FGD5: variants seen among roughly 807,000 people sequenced by gnomAD.
The protein encoded by FGD5 is FYVE, RhoGEF and PH domain containing 5.
A neutral mutation model predicts 133.4 loss-of-function variants in FGD5; 28 were observed. The ratio of observed to expected loss-of-function variants is 0.21; its 90% CI spans 0.16 to 0.29. The LOEUF (loss-of-function observed/expected upper bound fraction) is 0.29. Ranked by LOEUF, FGD5 falls within the 10% of genes least tolerant of loss-of-function variation. The pLI, the probability that FGD5 is intolerant of heterozygous loss-of-function variation, is 1.00. For missense variants in FGD5, 1,858 were observed against 1,895.2 expected, an observed-to-expected ratio of 0.98 and a Z score of 0.36; for synonymous variants, 810 against 776.5, an observed-to-expected ratio of 1.04 and a Z score of -0.72.
chr3:14,919,049 A>C (rs2038620493), intron 13 of FGD5, among the ~76,000 whole-genome samples: 1 of 152,172 alleles, frequency 6.6e-6, no homozygotes, highest in Admixed American at 6.5e-5. Flanking sequence ...CACACTCATA[A>C]AATTTTATAT....
At chr3:14,871,106 TC>T (rs2037599084) in intron 2 of FGD5, among the ~76,000 whole-genome samples, 1 of 152,180 alleles carries the variant, frequency 6.6e-6, no homozygotes, top group Admixed American at 6.5e-5. Flanking sequence ...GAATGTCACC[TC>T]CTCAGAGAGG....
At chr3:14,863,486 G>T (rs1325987300) in intron 1 of FGD5, among the ~76,000 whole-genome samples, 1 of 152,164 alleles carries the variant, frequency 6.6e-6, no homozygotes, top group South Asian at 2.1e-4. Context: ...AATATGTGCT[G>T]ACTGCTATGT....
At chr3:14,811,699 G>A (rs1208605639) in intron 1 of FGD5, among the ~76,000 whole-genome samples, 1 of 152,136 alleles carries the variant, frequency 6.6e-6, no homozygotes, top group Admixed American at 6.5e-5. Context: ...GCCATTTAAC[G>A]GATTTAGAAA....
At chr3:14,923,927 A>C in intron 16 of FGD5, 81 bp from the exon 17 acceptor site, 2 of 1,549,256 alleles carry the variant, frequency 1.3e-6, no homozygotes, top group South Asian at 2.3e-5. Context: ...TCCTAGAGGG[A>C]TTTTACAGGA....
chr3:14,870,272 G>A (rs2037580868), intron 2 of FGD5, among the ~76,000 whole-genome samples: 1 of 152,230 alleles, frequency 6.6e-6, no homozygotes, highest in South Asian at 2.1e-4. Context: ...TGTGGCTGGA[G>A]CAAGGTGAGG....
At position 14,933,478 on chromosome 3, in the gene FGD5, A is replaced by G. The variant is rs2038933292; in HGVS notation, c.*311A>G. 2.9e-6 allele frequency: 1 copy of G among 347,460 alleles called. No individual in the cohort carries two copies. Among genetic ancestry groups the G allele is most frequent in the East Asian group, 5.2e-5 (1 of 19,212 alleles). 21.5% of individuals were successfully genotyped at this position (347,460 alleles called of 1,614,324 possible). ...TAGTAAGATGAAGATGTGGAAACCA[A>G]TGAAAAGTACATTTAGAAATGCAGG... is the stretch of plus-strand genomic sequence containing the variant. On this transcript the variant is annotated 3_prime_UTR_variant, in exon 20 of 20. Transcript: ENST00000285046.
intron 2 of FGD5, among the ~76,000 whole-genome samples, chr3:14,869,518 A>C (rs182953700): frequency 1.3e-5 from 2 of 152,348 alleles, no homozygotes; most frequent in African/African-American, 4.8e-5. Flanking sequence ...ATTGCCATGC[A>C]GCCATCAACA....
In FGD5 at chr3:14,820,675, G is replaced by C. The variant is rs1411108920; in HGVS notation, c.1604G>C (p.Arg535Thr). 2 of 1,593,704 alleles carry C rather than the reference G, an allele frequency of 1.3e-6. No individual in the cohort carries two copies. The highest frequency in any genetic ancestry group is 1.7e-6 in the Non-Finnish European group (2 of 1,171,748). The change falls in exon 1 of 20, where the codon AGG (arginine) becomes ACG (threonine). Residue 535 changes from arginine (R) to threonine (T), a missense_variant. Around this residue, in one of 3 missense-constraint regions of FGD5, gnomAD observed 1,824 missense variants for 1,848.9 expected, o/e 0.99. Coordinates refer to ENST00000285046, the MANE Select transcript of FGD5 (RefSeq NM_152536.4). ...GAGGGGAAGCCCTTGGAAGCCAGCAGGGCCTTGCCAGCAAAGCCCAGGGCC... is the reference window on the plus strand; with the variant it reads ...GAGGGGAAGCCCTTGGAAGCCAGCACGGCCTTGCCAGCAAAGCCCAGGGCC... ...SLEGKPLEAS[R>T]ALPAKPRAFT...
At chr3:14,927,904 A>G (rs1036902987) in intron 18 of FGD5, among the ~76,000 whole-genome samples, 1 of 149,678 alleles carries the variant, frequency 6.7e-6, no homozygotes, top group African/African-American at 2.5e-5. Context: ...AGCTGGGACC[A>G]CAAGTGTGTG....
intron 1 of FGD5, among the ~76,000 whole-genome samples, chr3:14,834,644 A>G (rs1316339921): frequency 7.9e-5 from 12 of 152,194 alleles, no homozygotes; most frequent in Non-Finnish European, 1.5e-4. Context: ...CATATTTGTA[A>G]GTCTTTTTTA....
intron 4 of FGD5, among the ~76,000 whole-genome samples, chr3:14,893,420 T>C (rs2038068123): frequency 6.6e-6 from 1 of 152,174 alleles, no homozygotes; most frequent in Non-Finnish European, 1.5e-5. Flanking sequence ...GACACGACCA[T>C]AGCTCACTGC....
chr3:14,858,441 A>T (rs1303589856), intron 1 of FGD5, among the ~76,000 whole-genome samples: 1 of 152,004 alleles, frequency 6.6e-6, no homozygotes, highest in Non-Finnish European at 1.5e-5. Context: ...ATGGGTAGGT[A>T]GTTGGGTTAG....
intron 11 of FGD5, among the ~76,000 whole-genome samples, chr3:14,916,043 T>G (rs1386259310): frequency 6.6e-6 from 1 of 152,160 alleles, no homozygotes; most frequent in Non-Finnish European, 1.5e-5. Context: ...TGGTTGATGT[T>G]GGTGTCATGT....
At chr3:14,920,224 C>T (rs577508338) in intron 13 of FGD5, 12 of 152,322 alleles carry the variant, frequency 7.9e-5, no homozygotes, top group Non-Finnish European at 1.5e-4. Flanking sequence ...TGGGTGTCTA[C>T]TCTCAGCAAG....
rs2036425902 is a variant in FGD5 at position 14,818,970 on chromosome 3, C to T, written c.-102C>T. ...TTGTCATCTAGATTCACCAAAACCA[C>T]CTGTCGCTCCCAAGCCAAAGACTAC... is the stretch of plus-strand genomic sequence containing the variant. On this transcript the variant is annotated 5_prime_UTR_variant, in exon 1 of 20. Coordinates refer to ENST00000285046, the MANE Select transcript of FGD5 (RefSeq NM_152536.4). The T allele has an allele frequency of 7.6e-6, 11 of 1,447,462 alleles. No individual in the cohort carries two copies. Among genetic ancestry groups the T allele is most frequent in the South Asian group, 1.5e-5 (1 of 67,252 alleles). 89.7% of individuals were successfully genotyped at this position (1,447,462 alleles called of 1,614,324 possible). A position where few individuals can be genotyped will look rare whatever the true frequency, so the allele number is the denominator to read the frequency against.
intron 1 of FGD5, among the ~76,000 whole-genome samples, chr3:14,823,471 T>A (rs1186294849): frequency 6.6e-6 from 1 of 152,214 alleles, no homozygotes; most frequent in Non-Finnish European, 1.5e-5. Context: ...GGAGCTTATT[T>A]CATCTTTTTT....
At chr3:14,909,058 T>G in intron 10 of FGD5, among the ~76,000 whole-genome samples, 1 of 151,640 alleles carries the variant, frequency 6.6e-6, no homozygotes, top group Non-Finnish European at 1.5e-5. Flanking sequence ...AACCTCCGCC[T>G]CCCCGGTTCA....
At chr3:14,893,093 G>T (rs2038060728) in intron 4 of FGD5, among the ~76,000 whole-genome samples, 1 of 152,148 alleles carries the variant, frequency 6.6e-6, no homozygotes, top group Admixed American at 6.5e-5. Context: ...TGTAGAGCTA[G>T]GCCTCATGCA....
At chr3:14,828,994 A>G (rs955462172) in intron 1 of FGD5, among the ~76,000 whole-genome samples, 1 of 151,872 alleles carries the variant, frequency 6.6e-6, no homozygotes, top group Admixed American at 6.6e-5. Flanking sequence ...GGGTTTCACT[A>G]TATTGGCCAG....
Sources: gnomAD v4.1 joint callset for allele counts (sites outside exome capture counted in the v4.1 genomes callset) on GRCh38, gnomAD v4.1.1 for gene constraint, gnomAD v4.1.1 regional missense constraint, MANE v1.5 for transcripts, NCBI Gene and HGNC (gene_info 2026-07-23, HGNC 2026-07-21) for gene names.